MAST4: variants seen among roughly 807,000 people sequenced by gnomAD.
The protein encoded by MAST4 is microtubule-associated serine/threonine-protein kinase 4.
A neutral mutation model predicts 162.7 loss-of-function variants in MAST4; 89 were observed. The ratio of observed to expected loss-of-function variants is 0.55; its 90% confidence interval spans 0.46 to 0.65. The LOEUF is 0.65. MAST4 is among the 30% of genes least tolerant of loss of function. The pLI is 0.00. For synonymous variants in MAST4, 1,479 were observed against 1,361.1 expected (o/e 1.09, Z -1.91); for missense variants, 3,153 against 3,374.0 (o/e 0.93, Z 1.62).
At chr5:67,056,376 G>C (rs143438373) in intron 5 of MAST4, among the ~76,000 whole-genome samples, 1 of 152,286 alleles carries the variant, frequency 6.6e-6, no homozygotes, top group East Asian at 1.9e-4. Flanking sequence ...GTGCGCAGCA[G>C]TGTATGCTAG....
chr5:66,750,892 CTCTG>C (rs1356002987), intron 1 of MAST4, among the ~76,000 whole-genome samples: 1 of 152,222 alleles, frequency 6.6e-6, no homozygotes, highest in African/African-American at 2.4e-5. Flanking sequence ...ACTTAAATGT[CTCTG>C]TCTGACAGCT....
chr5:67,124,231 G>A lies in MAST4; in HGVS notation c.1745+3129G>A, dbSNP rs114983084. 9.1e-3 allele frequency among the ~76,000 whole-genome samples: 1,383 copies of A among 152,312 alleles called. 7 individuals carry two copies. The highest frequency in any genetic ancestry group is 0.014 in the Non-Finnish European group (963 of 68,030). On this transcript the variant is annotated intron_variant, in intron 14 of 28. Coordinates refer to ENST00000403625, the MANE Select transcript of MAST4 (RefSeq NM_001164664.2). ...TTGGGTTTTCCTGTTTCACAGGGAG[G>A]TCAGTGTAGGAAGAGAGGCAGAAGC...
At chr5:66,862,930 A>G (rs1041541844) in intron 3 of MAST4, among the ~76,000 whole-genome samples, 2 of 152,238 alleles carry the variant, frequency 1.3e-5, no homozygotes, top group African/African-American at 4.8e-5. Flanking sequence ...TATCCCTCAG[A>G]GAACTCCCTT....
rs774725143 is a variant in MAST4, at chr5:67,054,400, A to G, written c.675-4A>G. ...AAACTTTGTTTTTTCTTTCTTTTTG[A>G]TAGTTGCCGAACAAGCAACCGGAAA... On this transcript the variant is annotated splice_polypyrimidine_tract_variant and splice_region_variant and intron_variant, in intron 4 of 28. Transcript: ENST00000403625. The G allele has an allele frequency of 1.1e-5, 18 of 1,599,224 alleles. No homozygotes were observed. Among genetic ancestry groups the G allele is most frequent in the Non-Finnish European group, 1.5e-5 (18 of 1,173,110 alleles).
chr5:66,788,603 C>A (rs1047541227), intron 2 of MAST4, 67 bp from the exon 3 acceptor site: 5 of 1,320,848 alleles, frequency 3.8e-6, no homozygotes, highest in Admixed American at 1.8e-5. Context: ...CCCACCCCCA[C>A]CCCCATTGCA....
intron 3 of MAST4, among the ~76,000 whole-genome samples, chr5:66,815,089 T>G (rs1318676840): frequency 6.6e-6 from 1 of 152,240 alleles, no homozygotes; most frequent in Non-Finnish European, 1.5e-5. Context: ...AGGAATAGAC[T>G]TCATGTTGCT....
intron 1 of MAST4, among the ~76,000 whole-genome samples, chr5:66,606,109 T>C (rs1274564646): frequency 6.6e-6 from 1 of 152,206 alleles, no homozygotes; most frequent in Non-Finnish European, 1.5e-5. Flanking sequence ...TATTCTTGCT[T>C]CTTTTTTTCT....
chr5:66,734,936 A>G (rs77016567), intron 1 of MAST4, among the ~76,000 whole-genome samples: 5,448 of 152,308 alleles, frequency 0.036, 243 homozygotes, highest in African/African-American at 0.11. Flanking sequence ...ACCTGTTAGC[A>G]TTCCATGCTC....
At chr5:67,077,309 A>G (rs918306801) in intron 5 of MAST4, among the ~76,000 whole-genome samples, 1 of 151,998 alleles carries the variant, frequency 6.6e-6, no homozygotes, top group Non-Finnish European at 1.5e-5. Flanking sequence ...CCCCATTCTG[A>G]TTTAATTGGT....
At chr5:66,912,087 G>A (rs1763816125) in intron 4 of MAST4, among the ~76,000 whole-genome samples, 1 of 152,140 alleles carries the variant, frequency 6.6e-6, no homozygotes, top group South Asian at 2.1e-4. Flanking sequence ...TTTATTTTTA[G>A]GAAATTGAGC....
At chr5:67,118,837 A>C (rs1767240207) in intron 13 of MAST4, 88 bp downstream of exon 13, 2 of 765,224 alleles carry the variant, frequency 2.6e-6, no homozygotes, top group East Asian at 5.4e-5. Context: ...TGTTCAACAA[A>C]TGTTTATTGT....
intron 4 of MAST4, among the ~76,000 whole-genome samples, chr5:66,913,814 A>G (rs1285432689): frequency 1.3e-5 from 2 of 152,198 alleles, no homozygotes. Flanking sequence ...ATTTTTATAC[A>G]TGGAGGGTGA....
chr5:66,924,585 T>G (rs1764759087), intron 4 of MAST4, among the ~76,000 whole-genome samples: 3 of 152,110 alleles, frequency 2.0e-5, no homozygotes. Flanking sequence ...TTTTGTATTT[T>G]TAGTAGAGAT....
At chr5:66,935,761 G>A (rs761569192) in intron 4 of MAST4, among the ~76,000 whole-genome samples, 4 of 151,230 alleles carry the variant, frequency 2.6e-5, no homozygotes, top group East Asian at 3.9e-4. Flanking sequence ...TCCGCCTCCC[G>A]GGTTCAAGCA....
intron 2 of MAST4, among the ~76,000 whole-genome samples, chr5:66,768,224 C>G (rs921688012): frequency 1.3e-5 from 2 of 152,074 alleles, no homozygotes; most frequent in Non-Finnish European, 2.9e-5. Context: ...CATCTTAATG[C>G]GGGAGTCAGG....
intron 5 of MAST4, among the ~76,000 whole-genome samples, chr5:67,056,464 G>T (rs190214141): frequency 1.6e-4 from 25 of 152,228 alleles, no homozygotes; most frequent in Admixed American, 5.2e-4. Flanking sequence ...CCTCTTTATA[G>T]TATTTATAGC....
chr5:67,056,231 G>A (rs944975217), intron 5 of MAST4, among the ~76,000 whole-genome samples: 9 of 152,158 alleles, frequency 5.9e-5, no homozygotes, highest in Middle Eastern at 3.4e-3. Context: ...CCAAGGCTAC[G>A]TAATGAGGAT....
At chr5:66,665,043 G>A (rs1466399261) in intron 1 of MAST4, among the ~76,000 whole-genome samples, 1 of 152,202 alleles carries the variant, frequency 6.6e-6, no homozygotes, top group Non-Finnish European at 1.5e-5. Context: ...AAGAGGAAAG[G>A]TGGAAAAGAA....
At chr5:66,660,851 T>C (rs1746860885) in intron 1 of MAST4, among the ~76,000 whole-genome samples, 1 of 152,240 alleles carries the variant, frequency 6.6e-6, no homozygotes, top group South Asian at 2.1e-4. Context: ...GGTGACTGGA[T>C]TTCCCAACTC....
Sources: gnomAD v4.1 joint callset for allele counts (sites outside exome capture counted in the v4.1 genomes callset) on GRCh38, gnomAD v4.1.1 for gene constraint, MANE v1.5 for transcripts, NCBI Gene and HGNC (gene_info 2026-07-23, HGNC 2026-07-21) for gene names.